SMCHD1: variants seen among roughly 807,000 people sequenced by gnomAD.
SMCHD1 encodes the protein structural maintenance of chromosomes flexible hinge domain containing 1, also known as structural maintenance of chromosomes flexible hinge domain-containing protein 1.
Under a neutral mutation model 254.7 loss-of-function variants are expected in SMCHD1, and 78 were observed. That is an observed-to-expected ratio of 0.31 (90% CI 0.26 to 0.37). The LOEUF is 0.37. Among genes scored for constraint, SMCHD1 ranks in the 10% least tolerant of loss-of-function variants. SMCHD1 has a pLI of 1.00. For synonymous variants in SMCHD1, 766 were observed against 794.9 expected, an observed-to-expected ratio of 0.96 and a Z score of 0.61; for missense variants, 1,840 against 2,408.1, an observed-to-expected ratio of 0.76 and a Z score of 4.94.
chr18:2,781,194 T>TA (rs1228082271), intron 44 of SMCHD1, among the ~76,000 whole-genome samples: 3 of 152,184 alleles, frequency 2.0e-5, no homozygotes, highest in African/African-American at 7.2e-5. Context: ...AACAAACATA[T>TA]AAACCTGCCA....
intron 47 of SMCHD1, among the ~76,000 whole-genome samples, chr18:2,799,396 C>T (rs1568414936): frequency 6.6e-6 from 1 of 152,176 alleles, no homozygotes; most frequent in African/African-American, 2.4e-5. Flanking sequence ...ATAGAAAGAG[C>T]TGATGATCGT....
At chr18:2,796,838 C>T in intron 47 of SMCHD1, 1 of 257,160 alleles carries the variant, frequency 3.9e-6, no homozygotes, top group South Asian at 5.1e-5. Flanking sequence ...CTGTCTTGGC[C>T]TCTCAAAGTA....
intron 44 of SMCHD1, among the ~76,000 whole-genome samples, chr18:2,783,433 T>G (rs906748560): frequency 6.6e-6 from 1 of 152,176 alleles, no homozygotes; most frequent in Non-Finnish European, 1.5e-5. Context: ...AATATCTTAT[T>G]TGAATTCCAC....
chr18:2,729,318 G>T lies in SMCHD1; in HGVS notation c.2957G>T (p.Ser986Ile). The change falls in exon 24 of 48, where the codon AGT becomes ATT. Residue 986 changes from serine (S) to isoleucine (I), a missense_variant. Around this residue, in one of 9 missense-constraint regions of SMCHD1, gnomAD observed 881 missense variants for 1,009.5 expected, o/e 0.87. Coordinates refer to ENST00000320876, the MANE Select transcript of SMCHD1 (RefSeq NM_015295.3). The stretch of plus-strand genomic sequence containing the variant: ...CTTCCAGTCTATGTTGTAGATTGCA[G>T]TAGTTCTGGAACCAGTATTTTAACA... ...PNLPVYVVDC[S>I]SSGTSILTGS... 6.4e-7 allele frequency: 1 copy of T among 1,558,812 alleles called. No individual in the cohort carries two copies. Among genetic ancestry groups the T allele is most frequent in the Non-Finnish European group, 8.7e-7 (1 of 1,152,372 alleles).
At chr18:2,789,868 A>G (rs1046200137) in intron 45 of SMCHD1, among the ~76,000 whole-genome samples, 12 of 152,208 alleles carry the variant, frequency 7.9e-5, no homozygotes, top group African/African-American at 2.9e-4. Flanking sequence ...CAGAATGTAG[A>G]CAGAAGAGAA....
chr18:2,679,838 C>G (rs1202370269), intron 5 of SMCHD1, among the ~76,000 whole-genome samples: 2 of 152,132 alleles, frequency 1.3e-5, no homozygotes, highest in African/African-American at 4.8e-5. Context: ...TATGACTCCT[C>G]TTATCCATAT....
chr18:2,663,248 C>T (rs1024055273), intron 1 of SMCHD1, among the ~76,000 whole-genome samples: 6 of 151,548 alleles, frequency 4.0e-5, no homozygotes, highest in East Asian at 1.9e-4. Flanking sequence ...TGTGACTACA[C>T]GTGTGCACCA....
intron 34 of SMCHD1, among the ~76,000 whole-genome samples, chr18:2,758,288 T>G (rs1275672205): frequency 6.6e-6 from 1 of 152,204 alleles, no homozygotes; most frequent in Admixed American, 6.5e-5. Context: ...TTATACAATC[T>G]TTCACTGTTC....
intron 5 of SMCHD1, among the ~76,000 whole-genome samples, chr18:2,676,894 A>G (rs1320923922): frequency 6.6e-6 from 1 of 152,232 alleles, no homozygotes; most frequent in South Asian, 2.1e-4. Context: ...CTCATAAATA[A>G]CTACAAAATC....
At chr18:2,679,503 A>G (rs887064404) in intron 5 of SMCHD1, among the ~76,000 whole-genome samples, 1 of 148,926 alleles carries the variant, frequency 6.7e-6, no homozygotes, top group African/African-American at 2.5e-5. Flanking sequence ...AAAAAAAGGA[A>G]CTCTTGGTTG....
chr18:2,791,129 A>G (rs2076312651), intron 45 of SMCHD1, among the ~76,000 whole-genome samples: 1 of 152,186 alleles, frequency 6.6e-6, no homozygotes, highest in Non-Finnish European at 1.5e-5. Flanking sequence ...ATGGGAGAGG[A>G]AAAAAGTCAT....
intron 37 of SMCHD1, among the ~76,000 whole-genome samples, chr18:2,768,626 A>T (rs1037118959): frequency 6.2e-5 from 9 of 144,134 alleles, no homozygotes; most frequent in Admixed American, 5.7e-4. Context: ...TATATACTAT[A>T]CTACTAGTAT....
At chr18:2,736,117 T>C (rs2075244500) in intron 25 of SMCHD1, among the ~76,000 whole-genome samples, 1 of 152,160 alleles carries the variant, frequency 6.6e-6, no homozygotes, top group Admixed American at 6.6e-5. Context: ...CACATACAGC[T>C]ATCTGATCTT....
chr18:2,671,295 C>G (rs375936978), intron 3 of SMCHD1, among the ~76,000 whole-genome samples: 3 of 152,070 alleles, frequency 2.0e-5, no homozygotes, highest in Admixed American at 2.0e-4. Context: ...ATAGAGTCAA[C>G]AGAAGTATTT....
chr18:2,765,172 C>A (rs372873250), intron 37 of SMCHD1, among the ~76,000 whole-genome samples: 1 of 152,058 alleles, frequency 6.6e-6, no homozygotes. Context: ...TATATAAGTA[C>A]TTTTTCATGA....
intron 34 of SMCHD1, among the ~76,000 whole-genome samples, chr18:2,756,627 G>A (rs1431816050): frequency 1.3e-5 from 2 of 151,750 alleles, no homozygotes; most frequent in African/African-American, 2.4e-5. Flanking sequence ...ACAGAGTCTC[G>A]CTCTGTTTCC....
intron 28 of SMCHD1, among the ~76,000 whole-genome samples, chr18:2,742,080 C>T (rs2075361164): frequency 2.6e-5 from 4 of 152,174 alleles, no homozygotes; most frequent in Admixed American, 2.6e-4. Flanking sequence ...ATCCAGGGGT[C>T]AATTTTCAGT....
intron 14 of SMCHD1, among the ~76,000 whole-genome samples, chr18:2,706,084 T>C (rs1253435900): frequency 2.0e-5 from 3 of 152,184 alleles, no homozygotes; most frequent in East Asian, 1.9e-4. Context: ...CTAGTAAACA[T>C]TGGAGCCAGA....
intron 30 of SMCHD1, 84 bp from the exon 31 acceptor site, chr18:2,749,959 G>A (rs2075540341): frequency 8.2e-7 from 1 of 1,216,098 alleles, no homozygotes. Context: ...AGGAATAGAG[G>A]GAAAGAACAT....
Sources: allele counts gnomAD v4.1 joint callset (sites outside exome capture counted in the v4.1 genomes callset), GRCh38; gene constraint gnomAD v4.1.1; regional missense constraint gnomAD v4.1.1; transcripts MANE v1.5; gene names NCBI Gene and HGNC (gene_info 2026-07-23, HGNC 2026-07-21).